NCOR2: variants seen among roughly 807,000 people sequenced by gnomAD.
NCOR2 encodes the protein nuclear receptor corepressor 2.
NCOR2 carries 81 observed loss-of-function variants against 262.9 expected under a neutral mutation model. The observed-to-expected ratio is 0.31, with a 90% CI of 0.26 to 0.37. The LOEUF is 0.37. Ranked by LOEUF, NCOR2 falls within the 10% of genes least tolerant of loss-of-function variation. The pLI is 1.00. For missense variants in NCOR2, 3,385 were observed against 3,621.4 expected (o/e 0.93, Z 1.68); for synonymous variants, 1,659 against 1,559.3 (o/e 1.06, Z -1.51).
chr12:124,402,916 G>C (rs1225717257), intron 13 of NCOR2, among the ~76,000 whole-genome samples: 2 of 152,184 alleles, frequency 1.3e-5, no homozygotes, highest in Admixed American at 6.5e-5. Context: ...CTTGACAATG[G>C]GGGTATTCAG....
chr12:124,353,605 A>C (rs112288905), intron 27 of NCOR2, among the ~76,000 whole-genome samples: 2 of 152,198 alleles, frequency 1.3e-5, no homozygotes, highest in Non-Finnish European at 2.9e-5. Flanking sequence ...CACCAGCTGC[A>C]AGGCTGGGGC....
In NCOR2 at chr12:124,503,613, CGGATGGATGGAT is replaced by C. The variant is rs771565942; in HGVS notation, c.-117-8257_-117-8246del. Among the ~76,000 whole-genome samples the C allele has an allele frequency of 5.4e-3, 758 of 139,218 alleles. 27 individuals are homozygous for C. In the East Asian group the frequency reaches 0.1, roughly 18 times the overall value. The allele number at this position is 139,218 out of a possible 152,430, so 91.3% of individuals were successfully genotyped here. A position where few individuals can be genotyped will look rare whatever the true frequency, so the allele number is the denominator to read the frequency against. ...ACGGATGGATGGATGGACGGACGGA[CGGATGGATGGAT>C]GGATGGATGGGCGAATGGATGGATG... is the stretch of plus-strand genomic sequence containing the variant. On this transcript the variant is annotated intron_variant, in intron 1 of 46. Transcript: ENST00000404621. The surrounding 1 kb of genome is among the most constrained non-coding windows in gnomAD (Gnocchi z 4.3).
intron 37 of NCOR2, among the ~76,000 whole-genome samples, chr12:124,338,120 AG>A (rs1197244771): frequency 6.6e-6 from 1 of 152,206 alleles, no homozygotes; most frequent in Non-Finnish European, 1.5e-5. Context: ...AATAATGATT[AG>A]GGGAGGTATG....
intron 4 of NCOR2, among the ~76,000 whole-genome samples, chr12:124,470,458 G>A (rs1442517543): frequency 6.6e-6 from 1 of 152,182 alleles, no homozygotes; most frequent in Non-Finnish European, 1.5e-5. Flanking sequence ...GGCCACAGAT[G>A]ATGAAATAAA....
chr12:124,520,095 G>A (rs2050093857), intron 1 of NCOR2, among the ~76,000 whole-genome samples: 1 of 152,224 alleles, frequency 6.6e-6, no homozygotes, highest in Non-Finnish European at 1.5e-5. Flanking sequence ...AGTGGCTGCG[G>A]AGGCCCCTGG....
At chr12:124,350,338 C>G (rs1263708117) in intron 28 of NCOR2, among the ~76,000 whole-genome samples, 1 of 152,228 alleles carries the variant, frequency 6.6e-6, no homozygotes, top group Non-Finnish European at 1.5e-5. Context: ...CTCAGTTTCC[C>G]TCCTATGCTT....
exon 40 of NCOR2, chr12:124,335,216 C>G: frequency 2.5e-6 from 4 of 1,610,756 alleles, no homozygotes; most frequent in Non-Finnish European, 3.4e-6. Context: ...TGGACGAGGG[C>G]TGGCTCTCAG....
intron 15 of NCOR2, among the ~76,000 whole-genome samples, chr12:124,399,124 G>T (rs2041855314): frequency 6.6e-6 from 1 of 152,062 alleles, no homozygotes; most frequent in African/African-American, 2.4e-5. Flanking sequence ...TCCAGCAGAA[G>T]AGGGGAGACG....
chr12:124,466,844 A>T (rs2046440771), intron 4 of NCOR2, among the ~76,000 whole-genome samples: 1 of 152,036 alleles, frequency 6.6e-6, no homozygotes, highest in African/African-American at 2.4e-5. Flanking sequence ...CTTCTGGAAA[A>T]TGGGGATAAA....
At chr12:124,385,719 G>A (rs374981589) in intron 17 of NCOR2, 26 bp downstream of exon 19, 365 of 1,610,798 alleles carry the variant, frequency 2.3e-4, no homozygotes, top group Non-Finnish European at 2.7e-4. Flanking sequence ...TCCCAGAGGC[G>A]CGGTGCAGCG....
At chr12:124,411,295 A>G (rs1300875780) in intron 13 of NCOR2, among the ~76,000 whole-genome samples, 3 of 150,876 alleles carry the variant, frequency 2.0e-5, no homozygotes, top group Non-Finnish European at 3.0e-5. Flanking sequence ...GAGAGAGAGA[A>G]ACCTAGAAAA....
intron 13 of NCOR2, among the ~76,000 whole-genome samples, chr12:124,416,886 G>C (rs2042907966): frequency 6.6e-6 from 1 of 151,836 alleles, no homozygotes. Flanking sequence ...GCCGCACAGG[G>C]AGACCCGCGG....
chr12:124,559,528 T>C lies in NCOR2; in HGVS notation c.-165+7780A>G, dbSNP rs147878120. On this transcript the variant is annotated intron_variant, in intron 1 of 32. Transcript: ENST00000458234. ...GACACTCCACAGGGCCAGCCTCTGGTTTCCTCCTATGGAATGCTGGTGCAG... is the reference window on the plus strand; with the variant it reads ...GACACTCCACAGGGCCAGCCTCTGGCTTCCTCCTATGGAATGCTGGTGCAG... 7.9e-5 allele frequency among the ~76,000 whole-genome samples: 12 copies of C among 152,344 alleles called. No homozygotes were observed. The East Asian group carries it at 2.3e-3, about 29-fold the overall frequency.
At chr12:124,471,041 G>A (rs1451059432) in intron 4 of NCOR2, among the ~76,000 whole-genome samples, 1 of 152,178 alleles carries the variant, frequency 6.6e-6, no homozygotes, top group African/African-American at 2.4e-5. Flanking sequence ...GCCCCTCTCG[G>A]GATGCCTGTG....
chr12:124,391,506 G>T (rs1001312947), intron 16 of NCOR2, among the ~76,000 whole-genome samples: 3 of 152,196 alleles, frequency 2.0e-5, no homozygotes, highest in Non-Finnish European at 2.9e-5. Flanking sequence ...CCCTGGCGGG[G>T]GGGGGGTTCC....
intron 3 of NCOR2, among the ~76,000 whole-genome samples, chr12:124,480,080 G>A (rs1220145287): frequency 6.6e-6 from 1 of 152,244 alleles, no homozygotes; most frequent in African/African-American, 2.4e-5. Flanking sequence ...TGATAAAGGA[G>A]GTGCCTCACC....
At chr12:124,542,177 G>T (rs1471294709) in intron 1 of NCOR2, among the ~76,000 whole-genome samples, 1 of 151,966 alleles carries the variant, frequency 6.6e-6, no homozygotes, top group Admixed American at 6.5e-5. Context: ...AGGGCTTGGT[G>T]TCTGGACTCT....
At chr12:124,380,029 C>T (rs1258696410) in intron 17 of NCOR2, among the ~76,000 whole-genome samples, 1 of 152,226 alleles carries the variant, frequency 6.6e-6, no homozygotes, top group Non-Finnish European at 1.5e-5. Context: ...GAGAATACAT[C>T]TCTGTTGTTT....
In NCOR2 at chr12:124,482,929, G is replaced by A. The variant is rs193082209; in HGVS notation, c.411+667C>T. ...GCGGCTTTGTCATTCTAGGGGTCCAGGCCATGTCCTAACCAAGCACCGCCC... is the reference window on the plus strand; with the variant it reads ...GCGGCTTTGTCATTCTAGGGGTCCAAGCCATGTCCTAACCAAGCACCGCCC... On this transcript the variant is annotated intron_variant, in intron 3 of 46. Coordinates refer to ENST00000405201, the Ensembl canonical transcript of NCOR2. The surrounding 1 kb of genome is among the most constrained non-coding windows in gnomAD (Gnocchi z 6.3). Among the ~76,000 whole-genome samples the A allele has an allele frequency of 1.1e-4, 16 of 152,278 alleles. No individual in the cohort carries two copies. The East Asian group carries it at 2.9e-3, about 28-fold the overall frequency.
Sources: gnomAD v4.1 joint callset for allele counts (sites outside exome capture counted in the v4.1 genomes callset) on GRCh38, gnomAD v4.1.1 for gene constraint, Gnocchi (gnomAD v3.1) non-coding constraint, MANE v1.5 for transcripts, NCBI Gene and HGNC (gene_info 2026-07-23, HGNC 2026-07-21) for gene names.